Variants in EXOC4 observed in about 807,000 individuals in gnomAD.
The protein encoded by EXOC4 is exocyst complex component 4.
Under a neutral mutation model 107.2 loss-of-function variants are expected in EXOC4, and 71 were observed. That is an observed-to-expected ratio of 0.66 (90% CI 0.55 to 0.81). The LOEUF is 0.81. EXOC4 is among the 30% of genes least tolerant of loss of function. EXOC4 has a pLI of 0.00. For missense variants in EXOC4, 1,108 were observed against 1,189.6 expected, an observed-to-expected ratio of 0.93 and a Z score of 1.01; for synonymous variants, 456 against 441.2, an observed-to-expected ratio of 1.03 and a Z score of -0.42.
At chr7:133,895,395 C>T (rs1402367749) in intron 11 of EXOC4, among the ~76,000 whole-genome samples, 3 of 152,126 alleles carry the variant, frequency 2.0e-5, no homozygotes, top group East Asian at 1.9e-4. Flanking sequence ...TCTTCTGCGT[C>T]GCTCACGCTG....
intron 14 of EXOC4, among the ~76,000 whole-genome samples, chr7:133,938,736 G>C (rs904216924): frequency 6.6e-6 from 1 of 152,198 alleles, no homozygotes; most frequent in African/African-American, 2.4e-5. Context: ...TACTTCAGGA[G>C]TATGTATAAC....
chr7:133,747,910 C>G (rs1267412575), intron 10 of EXOC4, among the ~76,000 whole-genome samples: 1 of 152,112 alleles, frequency 6.6e-6, no homozygotes, highest in African/African-American at 2.4e-5. Flanking sequence ...CTATCCGTAC[C>G]ATCACATAAT....
chr7:133,842,887 C>T (rs980838980), intron 11 of EXOC4, among the ~76,000 whole-genome samples: 3 of 152,060 alleles, frequency 2.0e-5, no homozygotes, highest in African/African-American at 7.2e-5. Context: ...CACCATTTAT[C>T]GAATAGGGAG....
intron 17 of EXOC4, among the ~76,000 whole-genome samples, chr7:134,054,702 A>G (rs1473978193): frequency 6.6e-6 from 1 of 152,202 alleles, no homozygotes; most frequent in African/African-American, 2.4e-5. Context: ...GTAGCCATTC[A>G]GAATAAATTC....
chr7:133,657,773 C>G (rs865968322), intron 10 of EXOC4, among the ~76,000 whole-genome samples: 6 of 152,316 alleles, frequency 3.9e-5, no homozygotes, highest in Middle Eastern at 3.4e-3. Flanking sequence ...ATAGAATTGG[C>G]TCTGCCATGA....
intron 3 of EXOC4, among the ~76,000 whole-genome samples, chr7:133,293,759 T>G (rs1367763509): frequency 1.3e-5 from 2 of 152,226 alleles, no homozygotes; most frequent in Non-Finnish European, 2.9e-5. Context: ...TCTGGCCTTT[T>G]GTTTCTTTCT....
intron 10 of EXOC4, among the ~76,000 whole-genome samples, chr7:133,785,520 C>T (rs1796550010): frequency 6.6e-6 from 1 of 152,038 alleles, no homozygotes; most frequent in Non-Finnish European, 1.5e-5. Flanking sequence ...CAAAAACTAC[C>T]ACATATTCCC....
chr7:133,875,664 T>G (rs1798833551), intron 11 of EXOC4, among the ~76,000 whole-genome samples: 1 of 152,120 alleles, frequency 6.6e-6, no homozygotes, highest in African/African-American at 2.4e-5. Context: ...ACTTCACACC[T>G]TTTTTTCACT....
At chr7:133,256,555 T>C (rs1795024234) in intron 1 of EXOC4, among the ~76,000 whole-genome samples, 1 of 152,254 alleles carries the variant, frequency 6.6e-6, no homozygotes, top group Admixed American at 6.5e-5. Flanking sequence ...TTTGAAAAGT[T>C]TGATCAGTTT....
intron 4 of EXOC4, among the ~76,000 whole-genome samples, chr7:133,316,454 C>T (rs374743908): frequency 1.3e-5 from 2 of 152,034 alleles, no homozygotes; most frequent in Non-Finnish European, 1.5e-5. Flanking sequence ...AGATAGTGTG[C>T]GAGATGATTC....
At chr7:133,377,213 G>T (rs1796509496) in intron 7 of EXOC4, among the ~76,000 whole-genome samples, 1 of 152,086 alleles carries the variant, frequency 6.6e-6, no homozygotes, top group African/African-American at 2.4e-5. Context: ...AATTAGCTGG[G>T]CGTGGTGGCA....
chr7:133,990,954 T>G (rs369216556), intron 14 of EXOC4, among the ~76,000 whole-genome samples: 185 of 152,326 alleles, frequency 1.2e-3, no homozygotes, highest in Middle Eastern at 6.8e-3. Flanking sequence ...GCAGTGAGAT[T>G]GCTGGCTCAT....
chr7:133,631,135 T>C (rs994544869), intron 10 of EXOC4, among the ~76,000 whole-genome samples: 1 of 152,172 alleles, frequency 6.6e-6, no homozygotes, highest in South Asian at 2.1e-4. Flanking sequence ...CAATTGTGTG[T>C]TTTCTCTGTA....
chr7:133,396,770 C>T (rs1796978808), intron 7 of EXOC4, among the ~76,000 whole-genome samples: 1 of 152,122 alleles, frequency 6.6e-6, no homozygotes, highest in African/African-American at 2.4e-5. Flanking sequence ...AGAAGCTTCC[C>T]ACTTCGAACT....
intron 9 of EXOC4, among the ~76,000 whole-genome samples, chr7:133,579,834 G>A (rs1242388385): frequency 2.6e-5 from 4 of 151,906 alleles, no homozygotes; most frequent in South Asian, 2.1e-4. Context: ...CTACAGGCAC[G>A]CGCCACCACG....
chr7:133,995,310 A>C lies in EXOC4; in HGVS notation c.2207-2182A>C, dbSNP rs139845665. Reference sequence around the variant, plus strand: ...GAATGCCTTTGATGGAATTTGGTCTATTAGTATAGCTTTGGACCTCAGATT... The same window carrying C: ...GAATGCCTTTGATGGAATTTGGTCTCTTAGTATAGCTTTGGACCTCAGATT... On this transcript the variant is annotated intron_variant, in intron 14 of 17. Coordinates refer to ENST00000253861, the MANE Select transcript of EXOC4 (RefSeq NM_021807.4). Among the ~76,000 whole-genome samples, 302 of 152,320 alleles carry C rather than the reference A, an allele frequency of 2.0e-3. 2 individuals are homozygous for C. The highest frequency in any genetic ancestry group is 6.9e-3 in the African/African-American group (285 of 41,568).
At chr7:133,472,713 A>G (rs892543143) in intron 7 of EXOC4, among the ~76,000 whole-genome samples, 1 of 152,174 alleles carries the variant, frequency 6.6e-6, no homozygotes, top group African/African-American at 2.4e-5. Context: ...AAGATTACAG[A>G]TAAAGCATAA....
chr7:133,648,386 C>T (rs146597059), intron 10 of EXOC4, among the ~76,000 whole-genome samples: 51 of 152,278 alleles, frequency 3.3e-4, no homozygotes, highest in Non-Finnish European at 6.3e-4. Flanking sequence ...CCCTACATTT[C>T]GTGGCATTAC....
chr7:133,783,797 C>T (rs980568311), intron 10 of EXOC4, among the ~76,000 whole-genome samples: 11 of 152,184 alleles, frequency 7.2e-5, no homozygotes, highest in Non-Finnish European at 1.3e-4. Context: ...GGAGGTAGTA[C>T]AGATTTGGGG....
Sources: gnomAD v4.1 joint callset for allele counts (sites outside exome capture counted in the v4.1 genomes callset) on GRCh38, gnomAD v4.1.1 for gene constraint, MANE v1.5 for transcripts, NCBI Gene and HGNC (gene_info 2026-07-23, HGNC 2026-07-21) for gene names.